Variants in ZFP14 observed in about 807,000 individuals in gnomAD.
ZFP14 encodes zinc finger protein 14 homolog.
Under a neutral mutation model 54.5 loss-of-function variants are expected in ZFP14, and 22 were observed. The observed-to-expected ratio is 0.40, with a 90% confidence interval of 0.29 to 0.58. The LOEUF (loss-of-function observed/expected upper bound fraction) is 0.58. Among genes scored for constraint, ZFP14 ranks in the 20% least tolerant of loss-of-function variants. The pLI, the probability that ZFP14 is intolerant of heterozygous loss-of-function variation, is 0.39. For missense variants in ZFP14, 470 were observed against 637.8 expected (o/e 0.74, Z 2.83); for synonymous variants, 159 against 204.0 (o/e 0.78, Z 1.88).
chr19:36,335,452 C>T lies in ZFP14; in HGVS notation c.*4772G>A, dbSNP rs1600059984. ...GTGGTCTAGAATTTGCTTTCAGAAA[C>T]TATCTTCATCTAATTTTTATTAGGA... On this transcript the variant is annotated 3_prime_UTR_variant, in exon 5 of 5. Coordinates refer to ENST00000270001, the MANE Select transcript of ZFP14 (RefSeq NM_020917.3). 6.6e-6 allele frequency: 1 copy of T among 152,172 alleles called. No homozygotes were observed. The highest frequency in any genetic ancestry group is 3.4e-3 in the Middle Eastern group (1 of 294). 9.4% of individuals were successfully genotyped at this position (152,172 alleles called of 1,614,324 possible). A position where few individuals can be genotyped will look rare whatever the true frequency, so the allele number is the denominator to read the frequency against.
chr19:36,373,376 G>A (rs1007986872), intron 1 of ZFP14, among the ~76,000 whole-genome samples: 1 of 151,996 alleles, frequency 6.6e-6, no homozygotes, highest in Admixed American at 6.6e-5. Flanking sequence ...AGAATCTGGG[G>A]TAGTTGGGGG....
chr19:36,342,605 C>T (rs2031341200), intron 4 of ZFP14, among the ~76,000 whole-genome samples: 12 of 151,982 alleles, frequency 7.9e-5, no homozygotes, highest in Admixed American at 7.9e-4. Context: ...AATAAAGAGA[C>T]AATGCTAGAC....
At chr19:36,370,872 TCAA>T (rs1435093525) in intron 1 of ZFP14, among the ~76,000 whole-genome samples, 1 of 152,126 alleles carries the variant, frequency 6.6e-6, no homozygotes, top group Non-Finnish European at 1.5e-5. Flanking sequence ...GTCACAAAGA[TCAA>T]CAACAATCAG....
intron 4 of ZFP14, among the ~76,000 whole-genome samples, chr19:36,359,446 C>A (rs2031673433): frequency 6.6e-6 from 1 of 152,084 alleles, no homozygotes; most frequent in Non-Finnish European, 1.5e-5. Flanking sequence ...TAGAATTCAC[C>A]AGTGAAACCA....
chr19:36,349,678 A>AT lies in ZFP14; in HGVS notation c.236-8089_236-8088insA, dbSNP rs754447231. ...CAAGACTCTGTCTCAAAACAAAAAA[A>AT]AAATATATATATATATAATATATAT... On this transcript the variant is annotated intron_variant, in intron 4 of 4. Transcript: ENST00000270001. 1.6e-3 allele frequency among the ~76,000 whole-genome samples: 234 copies of AT among 145,632 alleles called. 1 individual carries two copies. In the East Asian group the frequency reaches 0.022, roughly 14 times the overall value.
intron 2 of ZFP14, among the ~76,000 whole-genome samples, chr19:36,364,994 C>CTTTTTTTTTTTTTTT (rs398034482): frequency 1.6e-5 from 1 of 61,970 alleles, no homozygotes; most frequent in Non-Finnish European, 2.9e-5. Context: ...TTTTCTTTTT[C>CTTTTTTTTTTTTTTT]TTTTTTTTTT....
intron 1 of ZFP14, among the ~76,000 whole-genome samples, chr19:36,372,791 G>A (rs1324894125): frequency 1.3e-5 from 2 of 152,200 alleles, no homozygotes; most frequent in Admixed American, 1.3e-4. Flanking sequence ...AACACATGGT[G>A]TCCATCAATG....
intron 2 of ZFP14, among the ~76,000 whole-genome samples, chr19:36,364,341 A>G (rs2031758476): frequency 6.6e-6 from 1 of 152,178 alleles, no homozygotes; most frequent in South Asian, 2.1e-4. Flanking sequence ...AAGCAGGGGT[A>G]TGGGAGGCAG....
Position 36,340,369 on chromosome 19 carries a change from C to T in ZFP14, c.1457G>A (p.Gly486Asp), listed in dbSNP as rs1177889540. ...AAATGAATAAAGTCTAAAAGCCTTA[C>T]CACATTCCTTACATTCATAAGGTTT... ...GEKPYECKECGKAFRLYSFLT... is the reference protein window; with the variant it reads ...GEKPYECKECDKAFRLYSFLT... Residue 486 changes from glycine (G) to aspartate (D), a missense_variant, in exon 5 of 5, where the codon GGT becomes GAT. By Grantham distance (94) the Gly-to-Asp change is moderately conservative. Coordinates refer to ENST00000270001, the MANE Select transcript of ZFP14 (RefSeq NM_020917.3). This position sits in a 1 kb window ranked among gnomAD's most constrained non-coding sequence, Gnocchi z 5.4. 2 of 1,613,968 alleles carry T rather than the reference C, an allele frequency of 1.2e-6. No homozygotes were observed. Among genetic ancestry groups the T allele is most frequent in the African/African-American group, 2.7e-5 (2 of 74,930 alleles).
Position 36,367,745 on chromosome 19 carries a change from T to C in ZFP14, c.9+139A>G, listed in dbSNP as rs2031816926. 15 of 969,048 alleles carry C rather than the reference T, an allele frequency of 1.5e-5. No individual in the cohort carries two copies. The Admixed American group carries it at 3.7e-4, about 24-fold the overall frequency. The allele number at this position is 969,048 out of a possible 1,614,324, so 60.0% of individuals were successfully genotyped here. A position where few individuals can be genotyped will look rare whatever the true frequency, so the allele number is the denominator to read the frequency against. On this transcript the variant is annotated intron_variant, in intron 2 of 4. Coordinates refer to ENST00000270001, the MANE Select transcript of ZFP14 (RefSeq NM_020917.3). ...TCCCAAAGTGCTGGGATTACAGGCG[T>C]GAGCCATTGCGTCCAGCCATGGAGC...
At chr19:36,362,872 T>C (rs1426520912) in intron 2 of ZFP14, 1 of 274,544 alleles carries the variant, frequency 3.6e-6, no homozygotes, top group South Asian at 3.5e-5. Flanking sequence ...CAAACTCGGG[T>C]TTTATTATAA....
intron 2 of ZFP14, among the ~76,000 whole-genome samples, chr19:36,366,199 C>A (rs960498079): frequency 4.6e-5 from 7 of 151,536 alleles, no homozygotes; most frequent in Non-Finnish European, 1.0e-4. Flanking sequence ...ACCCAGAAAG[C>A]GGAGGTTGCA....
intron 4 of ZFP14, among the ~76,000 whole-genome samples, chr19:36,357,702 G>A (rs12974922): frequency 0.053 from 8,017 of 151,784 alleles, 242 homozygotes; most frequent in Non-Finnish European, 0.066. Flanking sequence ...ATAACATACT[G>A]TCTTGATCAC....
At chr19:36,350,752 TA>T (rs889752840) in intron 4 of ZFP14, among the ~76,000 whole-genome samples, 1 of 140,744 alleles carries the variant, frequency 7.1e-6, no homozygotes, top group Non-Finnish European at 1.6e-5. Context: ...AGTAATCTGT[TA>T]AAAAAAAATC....
intron 4 of ZFP14, among the ~76,000 whole-genome samples, chr19:36,357,130 C>T (rs886578946): frequency 6.6e-6 from 1 of 152,168 alleles, no homozygotes; most frequent in Non-Finnish European, 1.5e-5. Flanking sequence ...GGAACCTCCA[C>T]CTCCTGGGTT....
chr19:36,353,269 C>A (rs1359347271), intron 4 of ZFP14, among the ~76,000 whole-genome samples: 1 of 142,830 alleles, frequency 7.0e-6, no homozygotes, highest in African/African-American at 2.6e-5. Context: ...TTTCTCTCAG[C>A]CTTCCACTAG....
At chr19:36,377,784 G>A (rs1040790653) in intron 1 of ZFP14, among the ~76,000 whole-genome samples, 6 of 151,072 alleles carry the variant, frequency 4.0e-5, no homozygotes, top group African/African-American at 1.5e-4. Flanking sequence ...GGAGGCGGAG[G>A]TTTCAGTGAG....
intron 4 of ZFP14, among the ~76,000 whole-genome samples, chr19:36,355,517 A>C (rs980114800): frequency 2.9e-5 from 4 of 139,730 alleles, no homozygotes; most frequent in Non-Finnish European, 4.7e-5. Context: ...TGTCTCTATA[A>C]ATTTTTTTTT....
chr19:36,362,726 A>T (rs1488948103), intron 2 of ZFP14: 3 of 210,310 alleles, frequency 1.4e-5, no homozygotes, highest in African/African-American at 4.8e-5. Context: ...AAAGAAATTT[A>T]AAAATTTAAA....
Sources: gnomAD v4.1 joint callset for allele counts (sites outside exome capture counted in the v4.1 genomes callset) on GRCh38, gnomAD v4.1.1 for gene constraint, Gnocchi (gnomAD v3.1) non-coding constraint, MANE v1.5 for transcripts, NCBI Gene and HGNC (gene_info 2026-07-23, HGNC 2026-07-21) for gene names.